Variants in GRIA4 observed in about 807,000 individuals in gnomAD.
The protein encoded by GRIA4 is glutamate receptor 4.
GRIA4 carries 34 observed loss-of-function variants against 104.0 expected under a neutral mutation model. The observed-to-expected ratio is 0.33, with a 90% CI of 0.25 to 0.44. The LOEUF is 0.44. Among genes scored for constraint, GRIA4 ranks in the 20% least tolerant of loss-of-function variants. GRIA4 has a pLI of 1.00. For missense variants in GRIA4, 750 were observed against 1,096.5 expected, an observed-to-expected ratio of 0.68 and a Z score of 4.46; for synonymous variants, 386 against 381.9, an observed-to-expected ratio of 1.01 and a Z score of -0.13.
intron 4 of GRIA4, among the ~76,000 whole-genome samples, chr11:105,777,691 C>A (rs1591238727): frequency 6.6e-6 from 1 of 152,246 alleles, no homozygotes; most frequent in South Asian, 2.1e-4. Flanking sequence ...TGGCAGAGAT[C>A]CTGGAAAAGT....
chr11:105,611,209 C>A, intron 2 of GRIA4, 124 bp downstream of exon 2: 1 of 722,152 alleles, frequency 1.4e-6, no homozygotes, highest in South Asian at 1.5e-5. Flanking sequence ...CTCTGTTTCC[C>A]TCCTCTTCCT....
chr11:105,734,869 T>A (rs959637308), intron 3 of GRIA4, among the ~76,000 whole-genome samples: 5 of 152,180 alleles, frequency 3.3e-5, no homozygotes, highest in African/African-American at 9.6e-5. Flanking sequence ...ACTGGGTCAA[T>A]GTAAGAGTGA....
At chr11:105,791,464 G>A (rs934606209) in intron 4 of GRIA4, among the ~76,000 whole-genome samples, 4 of 152,274 alleles carry the variant, frequency 2.6e-5, no homozygotes, top group African/African-American at 9.6e-5. Flanking sequence ...AAATATTACA[G>A]ATGCATTATA....
At chr11:105,622,457 G>T (rs925900351) in intron 3 of GRIA4, among the ~76,000 whole-genome samples, 1 of 151,642 alleles carries the variant, frequency 6.6e-6, no homozygotes, top group African/African-American at 2.4e-5. Context: ...TTTGAGCTTG[G>T]ACAGAAATTC....
chr11:105,758,662 A>G (rs574670423), intron 4 of GRIA4, among the ~76,000 whole-genome samples: 1 of 152,312 alleles, frequency 6.6e-6, no homozygotes, highest in East Asian at 1.9e-4. Flanking sequence ...ATGTACAATT[A>G]AGGTTGAAAT....
At chr11:105,695,096 A>ACCC (rs1953221358) in intron 3 of GRIA4, among the ~76,000 whole-genome samples, 1 of 152,084 alleles carries the variant, frequency 6.6e-6, no homozygotes, top group Admixed American at 6.6e-5. Flanking sequence ...TGCTATGCAG[A>ACCC]CCCCAATGCA....
At chr11:105,888,271 CTTTTTTT>C (rs71469040) in intron 6 of GRIA4, among the ~76,000 whole-genome samples, 14 of 54,574 alleles carry the variant, frequency 2.6e-4, no homozygotes, top group African/African-American at 5.6e-4. Flanking sequence ...ATGTTTTCTC[CTTTTTTT>C]TTTTTTTTTT....
intron 4 of GRIA4, among the ~76,000 whole-genome samples, chr11:105,762,047 G>A (rs1435179065): frequency 8.2e-5 from 12 of 146,422 alleles, no homozygotes; most frequent in African/African-American, 1.5e-4. Context: ...TTTTTGAGAC[G>A]GAGTCTCACT....
chr11:105,787,472 CTTTT>C (rs67901321), intron 4 of GRIA4, among the ~76,000 whole-genome samples: 177 of 98,610 alleles, frequency 1.8e-3, no homozygotes, highest in Non-Finnish European at 2.3e-3. Context: ...TAAAGAATTC[CTTTT>C]TTTTTTTTTT....
chr11:105,925,887 T>C (rs1206521643), intron 12 of GRIA4, among the ~76,000 whole-genome samples: 1 of 152,096 alleles, frequency 6.6e-6, no homozygotes, highest in Non-Finnish European at 1.5e-5. Context: ...CCCAGGAATT[T>C]TAAGTAGTTT....
At chr11:105,654,023 A>AAAAAAG (rs1951766998) in intron 3 of GRIA4, among the ~76,000 whole-genome samples, 1 of 149,042 alleles carries the variant, frequency 6.7e-6, no homozygotes, top group Non-Finnish European at 1.5e-5. Flanking sequence ...AAAAAAAAAA[A>AAAAAAG]AAAAGAAAAC....
chr11:105,691,373 G>A (rs1204861054), intron 3 of GRIA4, among the ~76,000 whole-genome samples: 1 of 152,072 alleles, frequency 6.6e-6, no homozygotes, highest in Non-Finnish European at 1.5e-5. Context: ...CAGAAAAAAA[G>A]TTTCTTAGAA....
intron 4 of GRIA4, among the ~76,000 whole-genome samples, chr11:105,797,005 T>C (rs1462267050): frequency 6.6e-6 from 1 of 151,730 alleles, no homozygotes; most frequent in Admixed American, 6.6e-5. Context: ...CCGAGGTGGG[T>C]GGATGGCTTG....
chr11:105,702,656 C>T (rs1404874262), intron 3 of GRIA4, among the ~76,000 whole-genome samples: 1 of 148,804 alleles, frequency 6.7e-6, no homozygotes, highest in East Asian at 2.0e-4. Context: ...CATATTAACA[C>T]ATGCAATCTT....
At chr11:105,927,349 C>T (rs1947736449) in intron 13 of GRIA4, among the ~76,000 whole-genome samples, 1 of 152,024 alleles carries the variant, frequency 6.6e-6, no homozygotes, top group East Asian at 1.9e-4. Context: ...AAACACAAAA[C>T]CTTAATTGCA....
intron 3 of GRIA4, among the ~76,000 whole-genome samples, chr11:105,624,713 T>C (rs887663990): frequency 6.6e-6 from 1 of 152,044 alleles, no homozygotes; most frequent in Admixed American, 6.6e-5. Context: ...GTGATCCCTT[T>C]TTTCCTCCCC....
chr11:105,974,474 A>C, intron 16 of GRIA4, 30 bp downstream of exon 16: 1 of 1,613,882 alleles, frequency 6.2e-7, no homozygotes, highest in African/African-American at 1.3e-5. Context: ...CTTTTAACCC[A>C]ACTTCCTCGC....
intron 3 of GRIA4, among the ~76,000 whole-genome samples, chr11:105,724,453 A>G (rs187472889): frequency 7.9e-4 from 120 of 152,170 alleles, no homozygotes; most frequent in Non-Finnish European, 1.1e-3. Flanking sequence ...GCCATGATAA[A>G]GAATGAAATC....
intron 4 of GRIA4, among the ~76,000 whole-genome samples, chr11:105,759,556 T>C (rs1395967973): frequency 6.6e-6 from 1 of 152,156 alleles, no homozygotes; most frequent in African/African-American, 2.4e-5. Context: ...ATTTAAAAGA[T>C]GCTCCACAAT....
Sources: gnomAD v4.1 joint callset for allele counts (sites outside exome capture counted in the v4.1 genomes callset) on GRCh38, gnomAD v4.1.1 for gene constraint, MANE v1.5 for transcripts, NCBI Gene and HGNC (gene_info 2026-07-23, HGNC 2026-07-21) for gene names.